PLCL1: variants seen among roughly 807,000 people sequenced by gnomAD.
The protein encoded by PLCL1 is inactive phospholipase C-like protein 1.
PLCL1 carries 41 observed loss-of-function variants against 84.4 expected under a neutral mutation model. The ratio of observed to expected loss-of-function variants is 0.49; its 90% confidence interval spans 0.38 to 0.63. The LOEUF is 0.63. Ranked by LOEUF, PLCL1 falls within the 30% of genes least tolerant of loss-of-function variation. The probability of loss-of-function intolerance (pLI) is 0.00; values close to 1 mark genes in which losing one functional copy is unlikely to be tolerated. For missense variants in PLCL1, 1,206 were observed against 1,367.8 expected, an observed-to-expected ratio of 0.88 and a Z score of 1.87; for synonymous variants, 490 against 488.3, an observed-to-expected ratio of 1.00 and a Z score of -0.05.
chr2:197,821,193 C>T (rs893566417), intron 1 of PLCL1, among the ~76,000 whole-genome samples: 6 of 152,102 alleles, frequency 3.9e-5, no homozygotes, highest in Admixed American at 3.3e-4. Flanking sequence ...TGGTGGTACT[C>T]AGCCCTCCAA....
At chr2:197,809,722 G>A (rs146344190) in intron 1 of PLCL1, among the ~76,000 whole-genome samples, 1 of 151,944 alleles carries the variant, frequency 6.6e-6, no homozygotes, top group East Asian at 1.9e-4. Flanking sequence ...AGGCTGATAC[G>A]CAGGCAGAAA....
chr2:198,071,698 A>G (rs1028483142), intron 1 of PLCL1, among the ~76,000 whole-genome samples: 1 of 151,818 alleles, frequency 6.6e-6, no homozygotes, highest in African/African-American at 2.4e-5. Context: ...TCCAGTTTCA[A>G]TTTTTTAAAA....
At chr2:197,950,652 T>G (rs1401163139) in intron 1 of PLCL1, among the ~76,000 whole-genome samples, 1 of 152,112 alleles carries the variant, frequency 6.6e-6, no homozygotes, top group Non-Finnish European at 1.5e-5. Context: ...GCACACATGT[T>G]TTTGGAGGAA....
intron 1 of PLCL1, among the ~76,000 whole-genome samples, chr2:197,958,812 C>A (rs966728550): frequency 6.6e-6 from 1 of 151,888 alleles, no homozygotes; most frequent in Non-Finnish European, 1.5e-5. Context: ...AGCACAGGAG[C>A]TATGTAACTT....
chr2:197,926,967 G>T (rs575082692), intron 1 of PLCL1, among the ~76,000 whole-genome samples: 1 of 152,192 alleles, frequency 6.6e-6, no homozygotes, highest in East Asian at 1.9e-4. Context: ...AGCTGGGACC[G>T]CCTGAAGCTA....
intron 1 of PLCL1, among the ~76,000 whole-genome samples, chr2:197,844,905 T>C (rs548219877): frequency 2.0e-5 from 3 of 152,232 alleles, no homozygotes; most frequent in East Asian, 1.9e-4. Flanking sequence ...AAATGATGGT[T>C]TATTCAGAAG....
chr2:197,865,760 C>A (rs996366505), intron 1 of PLCL1, among the ~76,000 whole-genome samples: 1 of 151,512 alleles, frequency 6.6e-6, no homozygotes, highest in African/African-American at 2.4e-5. Flanking sequence ...CACCTGTAAT[C>A]CCAGCACTTT....
intron 1 of PLCL1, among the ~76,000 whole-genome samples, chr2:197,873,243 T>C (rs564902932): frequency 4.1e-4 from 62 of 151,994 alleles, no homozygotes; most frequent in Non-Finnish European, 7.6e-4. Flanking sequence ...TCCTTTAGGG[T>C]GGGGGTAAAA....
chr2:197,950,265 G>T (rs1689361994), intron 1 of PLCL1, among the ~76,000 whole-genome samples: 1 of 152,058 alleles, frequency 6.6e-6, no homozygotes, highest in Non-Finnish European at 1.5e-5. Flanking sequence ...CTCTGTTTTG[G>T]ATCTTGTTCT....
At chr2:197,832,693 A>C (rs1691092697) in intron 1 of PLCL1, among the ~76,000 whole-genome samples, 1 of 152,194 alleles carries the variant, frequency 6.6e-6, no homozygotes, top group Admixed American at 6.5e-5. Flanking sequence ...GGCAGAGACA[A>C]AACAATAAAA....
intron 1 of PLCL1, among the ~76,000 whole-genome samples, chr2:197,896,823 A>G (rs1184064199): frequency 6.6e-6 from 1 of 152,062 alleles, no homozygotes; most frequent in Non-Finnish European, 1.5e-5. Flanking sequence ...CCACAGAGTG[A>G]TTGGTCTCTG....
At chr2:198,146,684 A>G in intron 5 of PLCL1, 96 bp from the exon 6 acceptor site, 1 of 990,906 alleles carries the variant, frequency 1.0e-6, no homozygotes, top group Non-Finnish European at 1.5e-6. Context: ...CTGTTTCCTT[A>G]TTCAGCAATG....
chr2:197,972,476 C>A (rs1689890208), intron 1 of PLCL1, among the ~76,000 whole-genome samples: 1 of 152,108 alleles, frequency 6.6e-6, no homozygotes, highest in African/African-American at 2.4e-5. Flanking sequence ...GAGAAAACAT[C>A]CTCGTAATGT....
At position 198,079,733 on chromosome 2, in the gene PLCL1, A is replaced by G. The variant is rs186739688; in HGVS notation, c.241-4025A>G. Among the ~76,000 whole-genome samples the G allele has an allele frequency of 2.2e-4, 33 of 152,152 alleles. No homozygotes were observed. The East Asian group carries it at 6.4e-3, about 29-fold the overall frequency. ...AGACCATATAAACCCAATTTTGTTA[A>G]TTTTTTTTAATTTAACTTATTTAAA... On this transcript the variant is annotated intron_variant, in intron 1 of 5. Coordinates refer to ENST00000428675, the MANE Select transcript of PLCL1 (RefSeq NM_006226.4).
chr2:198,093,435 T>G (rs570441761), intron 3 of PLCL1, among the ~76,000 whole-genome samples: 160 of 152,290 alleles, frequency 1.1e-3, no homozygotes, highest in Non-Finnish European at 1.8e-3. Context: ...TTACTTTTTA[T>G]GCAAACTTGA....
intron 1 of PLCL1, among the ~76,000 whole-genome samples, chr2:198,034,517 C>T (rs985628846): frequency 3.3e-5 from 5 of 152,184 alleles, no homozygotes; most frequent in African/African-American, 2.4e-5. Flanking sequence ...AAATGTGGCA[C>T]ATATACACCA....
chr2:198,149,040 A>G lies in PLCL1; in HGVS notation c.*2078A>G, dbSNP rs1266888752. 2 of 152,448 alleles carry G rather than the reference A, an allele frequency of 1.3e-5. No individual in the cohort carries two copies. Among genetic ancestry groups the G allele is most frequent in the Non-Finnish European group, 2.9e-5 (2 of 68,088 alleles). The allele number at this position is 152,448 out of a possible 1,614,324, so 9.4% of individuals were successfully genotyped here. A position where few individuals can be genotyped will look rare whatever the true frequency, so the allele number is the denominator to read the frequency against. On this transcript the variant is annotated 3_prime_UTR_variant, in exon 6 of 6. Transcript: ENST00000428675. ...TGGGTTGTCAGCCATACTCTGCTTC[A>G]TTCCACTGGGTGTCCTTGCTAGATG...
intron 1 of PLCL1, among the ~76,000 whole-genome samples, chr2:197,823,781 GAGTTGAT>G (rs34380476): frequency 0.51 from 77,535 of 151,144 alleles, 20,706 homozygotes; most frequent in African/African-American, 0.66. Flanking sequence ...ACTTTGATTT[GAGTTGAT>G]ATAGTAAGTA....
At chr2:197,811,495 A>C (rs1690585204) in intron 1 of PLCL1, among the ~76,000 whole-genome samples, 1 of 152,228 alleles carries the variant, frequency 6.6e-6, no homozygotes, top group Non-Finnish European at 1.5e-5. Context: ...AGGATTGTAC[A>C]TGGTGAGTAG....
Sources: gnomAD v4.1 joint callset for allele counts (sites outside exome capture counted in the v4.1 genomes callset) on GRCh38, gnomAD v4.1.1 for gene constraint, MANE v1.5 for transcripts, NCBI Gene and HGNC (gene_info 2026-07-23, HGNC 2026-07-21) for gene names.